The following DPP10 variants were observed in gnomAD, a reference collection of about 807,000 sequenced individuals.
DPP10 encodes dipeptidyl peptidase like 10, also known as inactive dipeptidyl peptidase 10.
DPP10 carries 33 observed loss-of-function variants against 120.9 expected under a neutral mutation model. That is an observed-to-expected ratio of 0.27 (90% CI 0.21 to 0.37). The LOEUF (loss-of-function observed/expected upper bound fraction) is 0.37. Among genes scored for constraint, DPP10 ranks in the 10% least tolerant of loss-of-function variants. DPP10 has a pLI of 1.00. For synonymous variants in DPP10, 337 were observed against 326.1 expected (o/e 1.03, Z -0.36); for missense variants, 816 against 942.8 (o/e 0.87, Z 1.76).
rs1402956834 is a variant in DPP10 at position 115,436,888 on chromosome 2, C to A, written c.272-62622C>A. Among the ~76,000 whole-genome samples the A allele has an allele frequency of 5.9e-5, 9 of 151,582 alleles. 1 individual carries two copies. The highest frequency in any genetic ancestry group is 5.3e-4 in the Admixed American group (8 of 15,186). ...TCTTTAATTAATAATTTATTCTACC[C>A]CAATAATAATTAATATTCTAGCCTA... is the stretch of plus-strand genomic sequence containing the variant. On this transcript the variant is annotated intron_variant, in intron 3 of 25. Coordinates refer to ENST00000410059, the MANE Select transcript of DPP10 (RefSeq NM_020868.6).
chr2:115,514,951 T>C (rs1222199128), intron 4 of DPP10, among the ~76,000 whole-genome samples: 1 of 151,892 alleles, frequency 6.6e-6, no homozygotes, highest in Non-Finnish European at 1.5e-5. Flanking sequence ...TTCTATAATA[T>C]ATACATTTAT....
chr2:115,441,014 C>G (rs997025577), intron 3 of DPP10: 1 of 152,068 alleles, frequency 6.6e-6, no homozygotes, highest in African/African-American at 2.4e-5. Context: ...TGGAGTTTTT[C>G]CGGCTTTCCC....
At chr2:115,642,349 T>C (rs892575247) in intron 5 of DPP10, among the ~76,000 whole-genome samples, 6 of 152,114 alleles carry the variant, frequency 3.9e-5, no homozygotes, top group Non-Finnish European at 5.9e-5. Flanking sequence ...ATAAAGAAGA[T>C]TACCCTCCCA....
rs75776189 is a variant in DPP10, at chr2:114,468,631, T to C, written c.60+25793T>C. The stretch of plus-strand genomic sequence containing the variant: ...AAATAGTGTACATTTGCTGTGAAAA[T>C]GTGTAGAAAATAGAACTCTTGTAAT... On this transcript the variant is annotated intron_variant, in intron 1 of 25. Transcript: ENST00000410059. 3.1e-3 allele frequency among the ~76,000 whole-genome samples: 476 copies of C among 152,130 alleles called. 11 individuals carry two copies. The East Asian group carries it at 0.04, about 13-fold the overall frequency.
intron 1 of DPP10, among the ~76,000 whole-genome samples, chr2:114,717,201 A>G (rs1701404232): frequency 6.6e-6 from 1 of 152,348 alleles, no homozygotes; most frequent in Non-Finnish European, 1.5e-5. Flanking sequence ...AGGTGACTGC[A>G]TATGGAGAAG....
intron 1 of DPP10, among the ~76,000 whole-genome samples, chr2:114,745,695 G>C (rs114321894): frequency 0.017 from 2,585 of 152,214 alleles, 67 homozygotes; most frequent in African/African-American, 0.059. Flanking sequence ...ATAGAGTCAC[G>C]GACAAAGACA....
intron 21 of DPP10, among the ~76,000 whole-genome samples, chr2:115,833,421 C>T (rs1258734225): frequency 6.6e-6 from 1 of 152,088 alleles, no homozygotes; most frequent in Non-Finnish European, 1.5e-5. Flanking sequence ...GCTGCAACAC[C>T]CTTCGCCCAT....
chr2:115,617,432 A>G (rs888852946), intron 5 of DPP10, among the ~76,000 whole-genome samples: 6 of 151,292 alleles, frequency 4.0e-5, no homozygotes, highest in Non-Finnish European at 8.8e-5. Context: ...TAAATAAAAT[A>G]TAAAAACATT....
chr2:115,105,250 C>T (rs2048890500), intron 1 of DPP10, among the ~76,000 whole-genome samples: 1 of 152,020 alleles, frequency 6.6e-6, no homozygotes, highest in Admixed American at 6.6e-5. Flanking sequence ...GTCTGTTTTG[C>T]ATTGCTATAA....
At chr2:115,088,768 A>AAAAAAAAAAAAAAAAAAAAAAAC (rs775985067) in intron 1 of DPP10, among the ~76,000 whole-genome samples, 9 of 134,824 alleles carry the variant, frequency 6.7e-5, no homozygotes, top group Non-Finnish European at 8.0e-5. Context: ...AAAAAAAAAA[A>AAAAAAAAAAAAAAAAAAAAAAAC]ACCAAAAAAC....
At chr2:114,973,561 C>G (rs1349910899) in intron 1 of DPP10, among the ~76,000 whole-genome samples, 1 of 143,054 alleles carries the variant, frequency 7.0e-6, no homozygotes, top group African/African-American at 2.6e-5. Flanking sequence ...ACTCGGGAGA[C>G]TGAGACAGGA....
At chr2:114,626,784 C>T (rs1694546790) in intron 1 of DPP10, among the ~76,000 whole-genome samples, 1 of 152,028 alleles carries the variant, frequency 6.6e-6, no homozygotes, top group Non-Finnish European at 1.5e-5. Context: ...AAAAATCAGC[C>T]ACAATTTTCT....
chr2:115,372,258 C>T (rs1013547682), intron 3 of DPP10, among the ~76,000 whole-genome samples: 1 of 151,990 alleles, frequency 6.6e-6, no homozygotes, highest in Non-Finnish European at 1.5e-5. Flanking sequence ...AAAAAGAGTA[C>T]ATGAAACATC....
intron 1 of DPP10, among the ~76,000 whole-genome samples, chr2:114,785,666 T>G (rs1014390155): frequency 6.6e-6 from 1 of 152,064 alleles, no homozygotes; most frequent in African/African-American, 2.4e-5. Flanking sequence ...GTAGAGGCAA[T>G]GTAGAGGGGC....
intron 3 of DPP10, among the ~76,000 whole-genome samples, chr2:115,374,946 T>C (rs1002887344): frequency 1.3e-5 from 2 of 152,236 alleles, no homozygotes; most frequent in Non-Finnish European, 2.9e-5. Context: ...GGAGGGGCTA[T>C]TGTGAAGATC....
chr2:114,841,991 TAG>T (rs1317071456), intron 1 of DPP10, among the ~76,000 whole-genome samples: 6 of 152,168 alleles, frequency 3.9e-5, no homozygotes, highest in Non-Finnish European at 5.9e-5. Flanking sequence ...AGGCTAGAGC[TAG>T]AGTAACCATC....
Position 115,473,593 on chromosome 2 carries a change from C to T in DPP10, c.272-25917C>T, listed in dbSNP as rs559433671. ...AATGGGCAGGAATAAACTTCAATGGCTCCAGGATGAGTTTTCTGTCTTCCA... is the reference window on the plus strand; with the variant it reads ...AATGGGCAGGAATAAACTTCAATGGTTCCAGGATGAGTTTTCTGTCTTCCA... On this transcript the variant is annotated intron_variant, in intron 3 of 25. Coordinates refer to ENST00000410059, the MANE Select transcript of DPP10 (RefSeq NM_020868.6). 5.9e-5 allele frequency among the ~76,000 whole-genome samples: 9 copies of T among 152,246 alleles called. 1 individual carries two copies. In the South Asian group the frequency reaches 1.7e-3, roughly 28 times the overall value.
chr2:114,967,841 C>T (rs1345825143), intron 1 of DPP10, among the ~76,000 whole-genome samples: 1 of 152,024 alleles, frequency 6.6e-6, no homozygotes, highest in Non-Finnish European at 1.5e-5. Context: ...TTCCTTGCCT[C>T]TTCTAGAGTG....
At chr2:115,072,150 T>C (rs1312214466) in intron 1 of DPP10, among the ~76,000 whole-genome samples, 4 of 152,084 alleles carry the variant, frequency 2.6e-5, no homozygotes, top group Non-Finnish European at 5.9e-5. Flanking sequence ...AAATGCACAT[T>C]GATGCCTTCC....
Sources: gnomAD v4.1 joint callset for allele counts (sites outside exome capture counted in the v4.1 genomes callset) on GRCh38, gnomAD v4.1.1 for gene constraint, MANE v1.5 for transcripts, NCBI Gene and HGNC (gene_info 2026-07-23, HGNC 2026-07-21) for gene names.